Variants in BCKDHB observed in about 807,000 individuals in gnomAD.
The protein encoded by BCKDHB is branched chain keto acid dehydrogenase E1 subunit beta, also known as 2-oxoisovalerate dehydrogenase subunit beta, mitochondrial.
BCKDHB carries 41 observed loss-of-function variants against 48.5 expected under a neutral mutation model. The ratio of observed to expected loss-of-function variants is 0.85; its 90% CI spans 0.66 to 1.10. The LOEUF (loss-of-function observed/expected upper bound fraction) is 1.10. BCKDHB is among the 50% of genes least tolerant of loss of function. BCKDHB has a pLI of 0.00. For synonymous variants in BCKDHB, 201 were observed against 174.8 expected (o/e 1.15, Z -1.18); for missense variants, 496 against 494.2 (o/e 1.00, Z -0.03).
chr6:80,368,904 T>C, the BCKDHB span, among the ~76,000 whole-genome samples: 2 of 151,888 alleles, frequency 1.3e-5, no homozygotes, highest in Non-Finnish European at 2.9e-5. Context: ...TCCCAGCTAC[T>C]TGGGAGGCTG....
chr6:80,436,430 C>T, the BCKDHB span, among the ~76,000 whole-genome samples: 5 of 151,514 alleles, frequency 3.3e-5, no homozygotes, highest in Non-Finnish European at 5.9e-5. Context: ...CTACTGGGCC[C>T]GGCCAAAATT....
chr6:80,319,588 T>C (rs1297636689), intron 9 of BCKDHB, among the ~76,000 whole-genome samples: 2 of 152,202 alleles, frequency 1.3e-5, no homozygotes, highest in Non-Finnish European at 2.9e-5. Context: ...GCCCTCTGGT[T>C]GTACTGCAAA....
At chr6:80,361,393 A>G in the BCKDHB span, among the ~76,000 whole-genome samples, 30 of 152,324 alleles carry the variant, frequency 2.0e-4, no homozygotes, top group Admixed American at 6.5e-5. Flanking sequence ...AAAAGATGGC[A>G]TCTCTAGTAG....
In BCKDHB at chr6:80,201,460, A is replaced by G. The variant is rs185063862; in HGVS notation, c.840+429A>G. 9.3e-4 allele frequency among the ~76,000 whole-genome samples: 141 copies of G among 152,260 alleles called. 2 individuals carry two copies. The East Asian group carries it at 0.02, about 22-fold the overall frequency. On this transcript the variant is annotated intron_variant, in intron 7 of 9. Transcript: ENST00000320393. ...TTCTGAGTGAAGGTGAGGTGTCTAT[A>G]TATATTAAAATGTATATGCATGTGG...
the BCKDHB span, among the ~76,000 whole-genome samples, chr6:80,385,504 C>T: frequency 6.6e-6 from 1 of 152,166 alleles, no homozygotes; most frequent in Non-Finnish European, 1.5e-5. Context: ...AAACAGCTTC[C>T]CCATTCCCAG....
the BCKDHB span, among the ~76,000 whole-genome samples, chr6:80,434,286 T>G: frequency 6.6e-5 from 10 of 151,772 alleles, no homozygotes; most frequent in African/African-American, 1.9e-4. Context: ...TTTTTCTGCT[T>G]CTTAAAAACA....
At chr6:80,265,207 T>C (rs1777463611) in intron 8 of BCKDHB, among the ~76,000 whole-genome samples, 1 of 152,104 alleles carries the variant, frequency 6.6e-6, no homozygotes, top group African/African-American at 2.4e-5. Flanking sequence ...TCTGGGTATA[T>C]ATACAAAAGA....
At chr6:80,428,420 A>C in the BCKDHB span, among the ~76,000 whole-genome samples, 1 of 152,090 alleles carries the variant, frequency 6.6e-6, no homozygotes, top group South Asian at 2.1e-4. Context: ...TGGTATTTCT[A>C]GTTCTTGATC....
chr6:80,374,370 A>G, the BCKDHB span: 9 of 821,744 alleles, frequency 1.1e-5, no homozygotes, highest in African/African-American at 1.0e-4. Flanking sequence ...ACACCTGCCA[A>G]CTCCACCATT....
chr6:80,220,724 TTTTCTTTTTC>T lies in BCKDHB; in HGVS notation c.951+17516_951+17525del, dbSNP rs1775403400. Among the ~76,000 whole-genome samples, 4 of 133,150 alleles carry T rather than the reference TTTTCTTTTTC, an allele frequency of 3.0e-5. No homozygotes were observed. In the South Asian group the frequency reaches 1.1e-3, roughly 37 times the overall value. The allele number at this position is 133,150 out of a possible 152,430, so 87.4% of individuals were successfully genotyped here. A position where few individuals can be genotyped will look rare whatever the true frequency, so the allele number is the denominator to read the frequency against. ...TTTTATCAGAGACTAGCTCTTTTTC[TTTTCTTTTTC>T]TTTTTTTTTTTTTTTTTGAGATGGA... On this transcript the variant is annotated intron_variant, in intron 8 of 9. Coordinates refer to ENST00000320393, the MANE Select transcript of BCKDHB (RefSeq NM_183050.4).
intron 1 of BCKDHB, among the ~76,000 whole-genome samples, chr6:80,118,704 G>T (rs1044284921): frequency 1.3e-5 from 2 of 151,962 alleles, no homozygotes; most frequent in Non-Finnish European, 2.9e-5. Context: ...GTGTAATATT[G>T]TAAGTCCTTT....
intron 8 of BCKDHB, among the ~76,000 whole-genome samples, chr6:80,240,601 T>C (rs1188093505): frequency 6.6e-6 from 1 of 152,230 alleles, no homozygotes; most frequent in Non-Finnish European, 1.5e-5. Flanking sequence ...TACAATCATG[T>C]CATCTGCAAA....
intron 9 of BCKDHB, among the ~76,000 whole-genome samples, chr6:80,337,410 G>T (rs1215719292): frequency 6.6e-6 from 1 of 151,986 alleles, no homozygotes; most frequent in East Asian, 1.9e-4. Context: ...GAAGGTAATT[G>T]CATTTAGAAG....
chr6:80,153,318 C>T (rs539841239), intron 3 of BCKDHB, among the ~76,000 whole-genome samples: 32 of 152,100 alleles, frequency 2.1e-4, no homozygotes, highest in Non-Finnish European at 3.4e-4. Flanking sequence ...GTCACAGCCC[C>T]GCTGTCATGG....
the BCKDHB span, among the ~76,000 whole-genome samples, chr6:80,424,814 T>C: frequency 6.6e-6 from 1 of 152,176 alleles, no homozygotes; most frequent in Non-Finnish European, 1.5e-5. Flanking sequence ...TTTCTCAGGT[T>C]GACAGGAGGA....
chr6:80,155,613 T>C (rs1772001882), intron 3 of BCKDHB, among the ~76,000 whole-genome samples: 2 of 152,118 alleles, frequency 1.3e-5, no homozygotes, highest in Admixed American at 1.3e-4. Context: ...CCAACCATAG[T>C]TTTTACAGAT....
At chr6:80,147,683 A>G (rs1296161403) in intron 3 of BCKDHB, among the ~76,000 whole-genome samples, 1 of 152,120 alleles carries the variant, frequency 6.6e-6, no homozygotes, top group Non-Finnish European at 1.5e-5. Context: ...TGCTTCTTAG[A>G]TCATAGAATG....
At chr6:80,125,954 A>G (rs1770319965) in intron 1 of BCKDHB, among the ~76,000 whole-genome samples, 1 of 152,210 alleles carries the variant, frequency 6.6e-6, no homozygotes, top group Non-Finnish European at 1.5e-5. Context: ...TAAAAATTGC[A>G]ATATCTGTAG....
the BCKDHB span, among the ~76,000 whole-genome samples, chr6:80,440,024 G>A: frequency 6.6e-6 from 1 of 152,144 alleles, no homozygotes; most frequent in African/African-American, 2.4e-5. Flanking sequence ...ATGTGAAAAG[G>A]ACACTTTGGA....
Sources: allele counts gnomAD v4.1 joint callset (sites outside exome capture counted in the v4.1 genomes callset), GRCh38; gene constraint gnomAD v4.1.1; transcripts MANE v1.5; gene names NCBI Gene and HGNC (gene_info 2026-07-23, HGNC 2026-07-21).